The following SRGAP3 variants were observed in gnomAD, a reference collection of about 807,000 sequenced individuals.
SRGAP3 encodes the protein SLIT-ROBO Rho GTPase activating protein 3.
Under a neutral mutation model 121.1 loss-of-function variants are expected in SRGAP3, and 39 were observed. That is an observed-to-expected ratio of 0.32 (90% CI 0.25 to 0.42). The LOEUF is 0.42. Ranked by LOEUF, SRGAP3 falls within the 10% of genes least tolerant of loss-of-function variation. SRGAP3 has a pLI of 1.00. For synonymous variants in SRGAP3, 601 were observed against 570.0 expected (o/e 1.05, Z -0.77); for missense variants, 1,213 against 1,470.6 (o/e 0.82, Z 2.86).
chr3:9,272,305 T>C (rs946760448), intron 3 of SRGAP3, among the ~76,000 whole-genome samples: 8 of 152,264 alleles, frequency 5.3e-5, no homozygotes, highest in African/African-American at 1.9e-4. Flanking sequence ...TACAGGTCTT[T>C]GGCATTAAGC....
intron 1 of SRGAP3, among the ~76,000 whole-genome samples, chr3:9,148,218 C>A (rs527243542): frequency 2.0e-5 from 3 of 148,612 alleles, no homozygotes; most frequent in African/African-American, 7.5e-5. Context: ...TGCCTCTCCT[C>A]CAGAAACGCC....
At chr3:9,058,165 G>C in intron 7 of SRGAP3, 86 bp downstream of exon 7, 2 of 1,445,350 alleles carry the variant, frequency 1.4e-6, no homozygotes, top group South Asian at 1.1e-5. Context: ...GAAACTTTCT[G>C]TACGTGCAAC....
chr3:9,046,445 G>A (rs13058898), intron 10 of SRGAP3, among the ~76,000 whole-genome samples: 5,748 of 152,268 alleles, frequency 0.038, 167 homozygotes, highest in East Asian at 0.089. Context: ...GCATGGCTGC[G>A]GCACAGTAAG....
chr3:9,232,044 A>G (rs573099623), intron 1 of SRGAP3, among the ~76,000 whole-genome samples: 6 of 152,328 alleles, frequency 3.9e-5, no homozygotes, highest in East Asian at 3.9e-4. Context: ...CCACTCTTCT[A>G]CCCATATTTC....
intron 3 of SRGAP3, among the ~76,000 whole-genome samples, chr3:9,305,984 C>T (rs1392069582): frequency 1.3e-5 from 2 of 152,218 alleles, no homozygotes; most frequent in Non-Finnish European, 2.9e-5. Context: ...GGAATCACCA[C>T]ACTGTCTTCC....
At chr3:9,113,508 T>C (rs1039051118) in intron 2 of SRGAP3, among the ~76,000 whole-genome samples, 7 of 152,196 alleles carry the variant, frequency 4.6e-5, no homozygotes, top group African/African-American at 1.7e-4. Flanking sequence ...TGATTACTTC[T>C]ATAAAGACCC....
chr3:8,993,385 C>T (rs900261267), intron 19 of SRGAP3, among the ~76,000 whole-genome samples: 2 of 152,170 alleles, frequency 1.3e-5, no homozygotes, highest in Admixed American at 6.5e-5. Context: ...GGATGGAGTC[C>T]GCAGGCTGAG....
chr3:9,212,703 G>A (rs1050910911), intron 1 of SRGAP3, among the ~76,000 whole-genome samples: 10 of 152,184 alleles, frequency 6.6e-5, no homozygotes, highest in African/African-American at 2.2e-4. Flanking sequence ...GACAGAGAGA[G>A]ACTCCGTCTC....
chr3:9,046,501 A>C (rs779791550), intron 10 of SRGAP3, among the ~76,000 whole-genome samples: 26 of 152,242 alleles, frequency 1.7e-4, no homozygotes, highest in Admixed American at 3.3e-4. Context: ...GCAGAAGCTA[A>C]GTGGTATAAG....
At chr3:9,075,263 G>A (rs1946906758) in intron 4 of SRGAP3, among the ~76,000 whole-genome samples, 1 of 152,220 alleles carries the variant, frequency 6.6e-6, no homozygotes, top group Non-Finnish European at 1.5e-5. Context: ...AAGAAGTGGA[G>A]TGGGATATAT....
intron 14 of SRGAP3, 91 bp from the exon 15 acceptor site, chr3:9,015,822 G>GA: frequency 6.6e-7 from 1 of 1,523,964 alleles, no homozygotes; most frequent in South Asian, 1.1e-5. Context: ...GGTCCAGCCT[G>GA]AACCACAGGA....
chr3:9,320,548 C>T (rs578152705), intron 3 of SRGAP3, among the ~76,000 whole-genome samples: 5 of 152,018 alleles, frequency 3.3e-5, no homozygotes, highest in East Asian at 1.9e-4. Flanking sequence ...CTTTGCTTTC[C>T]GCCATGATTG....
upstream of SRGAP3, among the ~76,000 whole-genome samples, chr3:9,250,398 T>G: frequency 6.6e-6 from 1 of 152,080 alleles, no homozygotes; most frequent in East Asian, 1.9e-4. Context: ...ATATTCTTAG[T>G]AAAAAGCACC....
At chr3:9,079,467 C>G (rs970708434) in intron 4 of SRGAP3, among the ~76,000 whole-genome samples, 4 of 152,236 alleles carry the variant, frequency 2.6e-5, no homozygotes, top group African/African-American at 9.6e-5. Context: ...TGACTCCAAG[C>G]AGGTAACAAA....
rs1417178657 is a variant in SRGAP3 at position 9,058,478 on chromosome 3, G to A, written c.802-6C>T. On this transcript the variant is annotated splice_region_variant and splice_polypyrimidine_tract_variant and intron_variant, in intron 6 of 21. Transcript: ENST00000383836. ...TGGAAGCCCAAATCACAGCACTTGG[G>A]GAGAGGCAACAACGGAAGGTTATGG... The A allele has an allele frequency of 1.4e-5, 23 of 1,613,480 alleles. No individual in the cohort carries two copies. Among genetic ancestry groups the A allele is most frequent in the Non-Finnish European group, 1.9e-5 (23 of 1,180,018 alleles).
intron 14 of SRGAP3, among the ~76,000 whole-genome samples, chr3:9,022,052 G>T (rs1461468981): frequency 6.6e-6 from 1 of 152,222 alleles, no homozygotes; most frequent in African/African-American, 2.4e-5. Flanking sequence ...AAACTGGCCA[G>T]GCGCAGTGGC....
chr3:9,361,402 C>A (rs1575037589), intron 1 of SRGAP3, among the ~76,000 whole-genome samples: 1 of 152,172 alleles, frequency 6.6e-6, no homozygotes, highest in East Asian at 1.9e-4. Context: ...CCACTCCCAG[C>A]CCCTTTGCAC....
intron 1 of SRGAP3, among the ~76,000 whole-genome samples, chr3:9,233,429 T>C (rs1559231137): frequency 6.6e-6 from 1 of 152,252 alleles, no homozygotes; most frequent in Admixed American, 6.5e-5. Context: ...AGCTGATTCC[T>C]GGCTTTAATT....
chr3:9,362,380 C>A (rs950911635), intron 1 of SRGAP3, among the ~76,000 whole-genome samples: 1 of 150,582 alleles, frequency 6.6e-6, no homozygotes, highest in South Asian at 2.1e-4. Flanking sequence ...GCCAGCCTGG[C>A]CTCAAACTCC....
Sources: allele counts gnomAD v4.1 joint callset (sites outside exome capture counted in the v4.1 genomes callset), GRCh38; gene constraint gnomAD v4.1.1; transcripts MANE v1.5; gene names NCBI Gene and HGNC (gene_info 2026-07-23, HGNC 2026-07-21).